FKBPL: variants seen among roughly 807,000 people sequenced by gnomAD.
The protein encoded by FKBPL is FK506-binding protein-like.
FKBPL carries 31 observed loss-of-function variants against 27.9 expected under a neutral mutation model. The observed-to-expected ratio is 1.11, with a 90% CI of 0.83 to 1.50. The LOEUF is 1.50. FKBPL is among the 40% of genes most tolerant of loss of function. The pLI is 0.00. For missense variants in FKBPL, 355 were observed against 425.9 expected (o/e 0.83, Z 1.46); for synonymous variants, 134 against 169.5 (o/e 0.79, Z 1.63).
Position 32,129,941 on chromosome 6 carries a change from C to A in FKBPL, c.-74-87G>T. The A allele has an allele frequency of 1.4e-6, 1 of 727,590 alleles. No homozygotes were observed. The highest frequency in any genetic ancestry group is 2.7e-5 in the East Asian group (1 of 37,202). 45.1% of individuals were successfully genotyped at this position (727,590 alleles called of 1,614,324 possible). On this transcript the variant is annotated intron_variant, in intron 1 of 1. Coordinates refer to ENST00000375156, the MANE Select transcript of FKBPL (RefSeq NM_022110.4). The surrounding 1 kb of genome is among the most constrained non-coding windows in gnomAD (Gnocchi z 4.5). ...TTCCCATTCTTCTGAGACCCAGGCC[C>A]CTAGTCCTGAAAGTCCCCAGTTTTG...
In FKBPL at chr6:32,129,573, C is replaced by T. The variant is rs763363499; in HGVS notation, c.208G>A (p.Val70Ile). 6.2e-7 allele frequency: 1 copy of T among 1,614,198 alleles called. No individual in the cohort carries two copies. The highest frequency in any genetic ancestry group is 8.5e-7 in the Non-Finnish European group (1 of 1,180,036). ...TGAGAGTCTCCTTCAAGTTCAGCAA[C>T]CAGTTTTTCAGCTCCTTGAGTATGC... ...LEHTQGAEKL[V>I]AELEGDSHKS... The change falls in exon 2 of 2, where the codon GTT becomes ATT. Residue 70 changes from valine to isoleucine, a missense_variant. By Grantham distance (29) the Val-to-Ile change is conservative. Transcript: ENST00000375156. This position sits in a 1 kb window ranked among gnomAD's most constrained non-coding sequence, Gnocchi z 4.5.
Position 32,129,477 on chromosome 6 carries a change from C to T in FKBPL, c.304G>A (p.Gly102Arg), listed in dbSNP as rs1221216622. 37 of 1,614,146 alleles carry T rather than the reference C, an allele frequency of 2.3e-5. No homozygotes were observed. Among genetic ancestry groups the T allele is most frequent in the Non-Finnish European group, 3.1e-5 (37 of 1,180,058 alleles). The change falls in exon 2 of 2, where the codon GGG (glycine) becomes AGG (arginine). Residue 102 changes from glycine (G) to arginine (R), a missense_variant. Gly to Arg is a moderately radical substitution (Grantham distance 125). Transcript: ENST00000375156. This position sits in a 1 kb window ranked among gnomAD's most constrained non-coding sequence, Gnocchi z 4.5. ...ATTACGATCTTCTTGACAAAGCTCC[C>T]ATCGGGGCAGTACCAGAGATCAGAA... ...QASDLWYCPD[G>R]SFVKKIVIRG...
In FKBPL at chr6:32,129,692, T is replaced by C; in HGVS notation, c.89A>G (p.Asp30Gly). ...EWEKNLRENL[D>G]SVIQIRQQPR... ...CTGCTGCCTAATCTGAATAACTGAATCAAGGTTCTCCCGAAGGTTCTTTTC... is the reference window on the plus strand; with the variant it reads ...CTGCTGCCTAATCTGAATAACTGAACCAAGGTTCTCCCGAAGGTTCTTTTC... Residue 30 changes from aspartate (D) to glycine (G), a missense_variant, in exon 2 of 2, where the codon GAT becomes GGT. Coordinates refer to ENST00000375156, the MANE Select transcript of FKBPL (RefSeq NM_022110.4). This position sits in a 1 kb window ranked among gnomAD's most constrained non-coding sequence, Gnocchi z 4.5. 1 of 1,614,152 alleles carries C rather than the reference T, an allele frequency of 6.2e-7. No individual in the cohort carries two copies. Among genetic ancestry groups the C allele is most frequent in the Non-Finnish European group, 8.5e-7 (1 of 1,180,030 alleles).
chr6:32,129,800 C>A lies in FKBPL; in HGVS notation c.-20G>T, dbSNP rs1180395551. The A allele has an allele frequency of 3.7e-6, 6 of 1,603,722 alleles. No homozygotes were observed. The highest frequency in any genetic ancestry group is 5.1e-6 in the Non-Finnish European group (6 of 1,174,748). On this transcript the variant is annotated 5_prime_UTR_variant, in exon 2 of 2. Transcript: ENST00000375156. This position sits in a 1 kb window ranked among gnomAD's most constrained non-coding sequence, Gnocchi z 4.5. ...CTCCATATGGATGCTTAGTCCCTTC[C>A]ACGGTGAGTGAACAGTTTTGGTCAG...
chr6:32,129,429 G>A lies in FKBPL; in HGVS notation c.352C>T (p.Pro118Ser), dbSNP rs1032696457. The A allele has an allele frequency of 2.5e-6, 4 of 1,614,126 alleles. No individual in the cohort carries two copies. Among genetic ancestry groups the A allele is most frequent in the African/African-American group, 1.3e-5 (1 of 74,952 alleles). ...IVIRGHGLDK[P>S]KLGSCCRVLA... The stretch of plus-strand genomic sequence containing the variant: ...ACCCGGCAGCAGGAGCCTAGTTTGG[G>A]TTTGTCCAAGCCATGGCCACGGATT... Residue 118 changes from proline to serine, a missense_variant, in exon 2 of 2, where the codon CCC becomes TCC. Transcript: ENST00000375156. The surrounding 1 kb of genome is among the most constrained non-coding windows in gnomAD (Gnocchi z 4.5).
Position 32,130,114 on chromosome 6 carries a change from A to G in FKBPL, c.-94T>C, listed in dbSNP as rs204892. 22,270 of 454,584 alleles carry G rather than the reference A, an allele frequency of 0.049. 801 individuals are homozygous for G. Among genetic ancestry groups the G allele is most frequent in the African/African-American group, 0.11 (5,564 of 50,596 alleles). 28.2% of individuals were successfully genotyped at this position (454,584 alleles called of 1,614,324 possible). A position where few individuals can be genotyped will look rare whatever the true frequency, so the allele number is the denominator to read the frequency against. ...AAGTACCTGCGCGGCCAAAGTGCCT[A>G]GCATGGTGACAGGAGGAGCCGGGCC... On this transcript the variant is annotated 5_prime_UTR_variant, in exon 1 of 2. It removes the in-frame stop codon of an upstream open reading frame in the 5' UTR. Coordinates refer to ENST00000375156, the MANE Select transcript of FKBPL (RefSeq NM_022110.4).
chr6:32,129,637 C>T lies in FKBPL; in HGVS notation c.144G>A (p.Glu48=). The change falls in exon 2 of 2, where the codon GAG becomes GAA. Residue 48 remains glutamate (E), a synonymous_variant. Coordinates refer to ENST00000375156, the MANE Select transcript of FKBPL (RefSeq NM_022110.4). This position sits in a 1 kb window ranked among gnomAD's most constrained non-coding sequence, Gnocchi z 4.5. ...QPRDPPTETL[E]LEVSPDPASQ... ...TGGCTGGATCTGGGCTTACTTCCAG[C>T]TCAAGCGTTTCGGTAGGAGGGTCTC... 2.5e-5 allele frequency: 40 copies of T among 1,614,192 alleles called. No individual in the cohort carries two copies. Among genetic ancestry groups the T allele is most frequent in the Non-Finnish European group, 3.4e-5 (40 of 1,180,036 alleles).
At position 32,129,829 on chromosome 6, in the gene FKBPL, G is replaced by C. The variant is rs1279610603; in HGVS notation, c.-49C>G. On this transcript the variant is annotated 5_prime_UTR_variant, in exon 2 of 2. Coordinates refer to ENST00000375156, the MANE Select transcript of FKBPL (RefSeq NM_022110.4). This position sits in a 1 kb window ranked among gnomAD's most constrained non-coding sequence, Gnocchi z 4.5. ...GTGAGTGAACAGTTTTGGTCAGAAAGGGATGAACCAGGTTCAGGTCAGCAC... is the reference window on the plus strand; with the variant it reads ...GTGAGTGAACAGTTTTGGTCAGAAACGGATGAACCAGGTTCAGGTCAGCAC... 3.2e-6 allele frequency: 5 copies of C among 1,556,568 alleles called. No homozygotes were observed. Among genetic ancestry groups the C allele is most frequent in the Admixed American group, 1.9e-5 (1 of 53,902 alleles).
Position 32,130,169 on chromosome 6 carries a change from A to C in FKBPL, c.-149T>G. ...GAATCACCTCTCCTTCCAAAGCTAA[A>C]TGGCTACTGAATGCTGCCCTCGGAG... On this transcript the variant is annotated 5_prime_UTR_variant, in exon 1 of 2. Transcript: ENST00000375156. 2 of 272,160 alleles carry C rather than the reference A, an allele frequency of 7.3e-6. No individual in the cohort carries two copies. Among genetic ancestry groups the C allele is most frequent in the Non-Finnish European group, 1.4e-5 (2 of 140,694 alleles). The allele number at this position is 272,160 out of a possible 1,614,324, so 16.9% of individuals were successfully genotyped here. A position where few individuals can be genotyped will look rare whatever the true frequency, so the allele number is the denominator to read the frequency against.
At position 32,129,852 on chromosome 6, in the gene FKBPL, C is replaced by T. The variant is rs779948407; in HGVS notation, c.-72G>A. 1.0e-5 allele frequency: 14 copies of T among 1,382,116 alleles called. No homozygotes were observed. The highest frequency in any genetic ancestry group is 1.4e-5 in the Non-Finnish European group (14 of 987,772). 85.6% of individuals were successfully genotyped at this position (1,382,116 alleles called of 1,614,324 possible). A position where few individuals can be genotyped will look rare whatever the true frequency, so the allele number is the denominator to read the frequency against. ...AAGGGATGAACCAGGTTCAGGTCAGCACCTGAAAAGAAAACCAAACAATGC... is the reference window on the plus strand; with the variant it reads ...AAGGGATGAACCAGGTTCAGGTCAGTACCTGAAAAGAAAACCAAACAATGC... On this transcript the variant is annotated splice_region_variant and 5_prime_UTR_variant, in exon 2 of 2. Transcript: ENST00000375156. The surrounding 1 kb of genome is among the most constrained non-coding windows in gnomAD (Gnocchi z 4.5).
rs1217391381 is a variant in FKBPL, at chr6:32,129,992, T to C, written c.-75+103A>G. The C allele has an allele frequency of 1.6e-6, 1 of 622,838 alleles. No homozygotes were observed. The highest frequency in any genetic ancestry group is 2.9e-5 in the Admixed American group (1 of 34,722). The allele number at this position is 622,838 out of a possible 1,614,324, so 38.6% of individuals were successfully genotyped here. A position where few individuals can be genotyped will look rare whatever the true frequency, so the allele number is the denominator to read the frequency against. ...CTTTCCTCCAAAAATCTGCTCCAGCTTCCCCGTTCCACCCACATATAATTT... is the reference window on the plus strand; with the variant it reads ...CTTTCCTCCAAAAATCTGCTCCAGCCTCCCCGTTCCACCCACATATAATTT... On this transcript the variant is annotated intron_variant, in intron 1 of 1. Coordinates refer to ENST00000375156, the MANE Select transcript of FKBPL (RefSeq NM_022110.4). The surrounding 1 kb of genome is among the most constrained non-coding windows in gnomAD (Gnocchi z 4.5).
In FKBPL at chr6:32,129,061, G is replaced by C; in HGVS notation, c.720C>G (p.Leu240=). The change falls in exon 2 of 2, where the codon CTC becomes CTG. Residue 240 remains leucine, a synonymous_variant. Transcript: ENST00000375156. The surrounding 1 kb of genome is among the most constrained non-coding windows in gnomAD (Gnocchi z 4.5). ...GAGGGCCAGGTGGGGGTAAAGTCAG[G>C]AGCAGCCGAAGAGCCCGTCCATAGC... The part of the protein sequence containing the change: ...ARCYGRALRL[L]LTLPPPGPPE... 11 of 1,614,236 alleles carry C rather than the reference G, an allele frequency of 6.8e-6. No homozygotes were observed. The highest frequency in any genetic ancestry group is 9.3e-6 in the Non-Finnish European group (11 of 1,180,040).
At position 32,129,941 on chromosome 6, in the gene FKBPL, C is replaced by T; in HGVS notation, c.-74-87G>A. 1 of 727,590 alleles carries T rather than the reference C, an allele frequency of 1.4e-6. No homozygotes were observed. The allele number at this position is 727,590 out of a possible 1,614,324, so 45.1% of individuals were successfully genotyped here. On this transcript the variant is annotated intron_variant, in intron 1 of 1. Coordinates refer to ENST00000375156, the MANE Select transcript of FKBPL (RefSeq NM_022110.4). This position sits in a 1 kb window ranked among gnomAD's most constrained non-coding sequence, Gnocchi z 4.5. ...TTCCCATTCTTCTGAGACCCAGGCC[C>T]CTAGTCCTGAAAGTCCCCAGTTTTG...
rs1478536375 is a variant in FKBPL at position 32,129,428 on chromosome 6, G to C, written c.353C>G (p.Pro118Arg). The change falls in exon 2 of 2, where the codon CCC (proline) becomes CGC (arginine). Residue 118 changes from proline to arginine, a missense_variant. Transcript: ENST00000375156. The surrounding 1 kb of genome is among the most constrained non-coding windows in gnomAD (Gnocchi z 4.5). ...TACCCGGCAGCAGGAGCCTAGTTTG[G>C]GTTTGTCCAAGCCATGGCCACGGAT... ...IVIRGHGLDK[P>R]KLGSCCRVLA... is the part of the protein sequence containing the mutation. 6.2e-7 allele frequency: 1 copy of C among 1,614,236 alleles called. No homozygotes were observed. The highest frequency in any genetic ancestry group is 1.7e-5 in the Admixed American group (1 of 60,028).
Position 32,129,405 on chromosome 6 carries a change from C to G in FKBPL, c.376G>C (p.Val126Leu), listed in dbSNP as rs749178977. The change falls in exon 2 of 2, where the codon GTA becomes CTA. Residue 126 changes from valine (V) to leucine (L), a missense_variant. Physicochemically the swap from Val to Leu is conservative, Grantham distance 32. Transcript: ENST00000375156. This position sits in a 1 kb window ranked among gnomAD's most constrained non-coding sequence, Gnocchi z 4.5. ...CCGAAAGGAAACCCCAAAGCCAGTA[C>G]CCGGCAGCAGGAGCCTAGTTTGGGT... ...DKPKLGSCCR[V>L]LALGFPFGSG... is the part of the protein sequence containing the mutation. The G allele has an allele frequency of 6.2e-7, 1 of 1,614,236 alleles. No individual in the cohort carries two copies. The highest frequency in any genetic ancestry group is 1.1e-5 in the South Asian group (1 of 91,090).
chr6:32,128,973 A>G lies in FKBPL; in HGVS notation c.808T>C (p.Leu270=). ...ACQLLLGQPQ[L]AAQSCDRVLE... ...ACCCGGTCACAGCTCTGGGCTGCCAACTGAGGCTGCCCTAGCAACAACTGA... is the reference window on the plus strand; with the variant it reads ...ACCCGGTCACAGCTCTGGGCTGCCAGCTGAGGCTGCCCTAGCAACAACTGA... Residue 270 remains leucine (L), a synonymous_variant, in exon 2 of 2, where the codon TTG becomes CTG. Transcript: ENST00000375156. The G allele has an allele frequency of 6.2e-7, 1 of 1,614,028 alleles. No individual in the cohort carries two copies. The highest frequency in any genetic ancestry group is 8.5e-7 in the Non-Finnish European group (1 of 1,179,864).
rs1782188750 is a variant in FKBPL at position 32,130,229 on chromosome 6, G to A, written c.-209C>T. On this transcript the variant is annotated 5_prime_UTR_variant, in exon 1 of 2. Transcript: ENST00000375156. ...ACGCGGAGAGGGCAGCCGGAGAGGG[G>A]CGCGGTGCGGGAGGCGGGGGTAGGG... 1.0e-5 allele frequency: 2 copies of A among 199,036 alleles called. No individual in the cohort carries two copies. Among genetic ancestry groups the A allele is most frequent in the South Asian group, 1.6e-4 (2 of 12,494 alleles). The allele number at this position is 199,036 out of a possible 1,614,324, so 12.3% of individuals were successfully genotyped here. A position where few individuals can be genotyped will look rare whatever the true frequency, so the allele number is the denominator to read the frequency against.
In FKBPL at chr6:32,129,658, G is replaced by A. The variant is rs949911347; in HGVS notation, c.123C>T (p.Asp41=). Residue 41 remains aspartate, a synonymous_variant, in exon 2 of 2, where the codon GAC becomes GAT. Transcript: ENST00000375156. The surrounding 1 kb of genome is among the most constrained non-coding windows in gnomAD (Gnocchi z 4.5). ...SVIQIRQQPR[D]PPTETLELEV... ...CCAGCTCAAGCGTTTCGGTAGGAGG[G>A]TCTCGGGGCTGCTGCCTAATCTGAA... The A allele has an allele frequency of 2.5e-6, 4 of 1,614,170 alleles. No individual in the cohort carries two copies. Among genetic ancestry groups the A allele is most frequent in the Non-Finnish European group, 3.4e-6 (4 of 1,180,046 alleles).
rs772119721 is a variant in FKBPL at position 32,129,309 on chromosome 6, C to T, written c.472G>A (p.Glu158Lys). The T allele has an allele frequency of 3.1e-6, 5 of 1,614,214 alleles. No homozygotes were observed. Among genetic ancestry groups the T allele is most frequent in the Non-Finnish European group, 4.2e-6 (5 of 1,180,034 alleles). ...VGPWREETWG[E>K]LIEKCLESMC... ...GACTCCAAGCATTTCTCTATGAGCT[C>T]CCCCCAAGTTTCCTCCCTCCATGGC... Residue 158 changes from glutamate to lysine, a missense_variant, in exon 2 of 2, where the codon GAG (glutamate) becomes AAG (lysine). Transcript: ENST00000375156. This position sits in a 1 kb window ranked among gnomAD's most constrained non-coding sequence, Gnocchi z 4.5.
Sources: gnomAD v4.1 joint callset for allele counts on GRCh38, gnomAD v4.1.1 for gene constraint, Gnocchi (gnomAD v3.1) non-coding constraint, MANE v1.5 for transcripts, NCBI Gene and HGNC (gene_info 2026-07-23, HGNC 2026-07-21) for gene names.